ALG13: variants seen among roughly 807,000 people sequenced by gnomAD.
ALG13 encodes the protein ALG13 UDP-N-acetylglucosaminyltransferase subunit, also known as UDP-N-acetylglucosamine transferase subunit ALG13.
Under a neutral mutation model 87.8 loss-of-function variants are expected in ALG13, and 11 were observed. The observed-to-expected ratio is 0.13, with a 90% CI of 0.08 to 0.21. The LOEUF is 0.21. ALG13 is among the 10% of genes least tolerant of loss of function. ALG13 has a pLI of 1.00. For missense variants in ALG13, 756 were observed against 866.1 expected (o/e 0.87, Z 1.60); for synonymous variants, 320 against 306.3 (o/e 1.04, Z -0.47).
intron 23 of ALG13, among the ~76,000 whole-genome samples, chrX:111,738,638 A>C (rs965537897): frequency 9.0e-6 from 1 of 111,446 alleles, no homozygotes; most frequent in Non-Finnish European, 1.9e-5. Flanking sequence ...TCCAGGTTTC[A>C]AGCAGTCCTG....
At chrX:111,745,771 A>G (rs1158844535) in intron 24 of ALG13, among the ~76,000 whole-genome samples, 1 of 110,714 alleles carries the variant, frequency 9.0e-6, no homozygotes, top group Non-Finnish European at 1.9e-5. Context: ...GACCACACAA[A>G]ACATTGACTT....
intron 3 of ALG13, among the ~76,000 whole-genome samples, chrX:111,695,589 T>C (rs376348594): frequency 1.9e-4 from 21 of 110,046 alleles, no homozygotes; most frequent in African/African-American, 6.3e-4. Flanking sequence ...AGCAAAGTAA[T>C]ATTTTCCTTT....
chrX:111,731,444 A>G (rs1273385788), intron 21 of ALG13, among the ~76,000 whole-genome samples: 2 of 111,940 alleles, frequency 1.8e-5, no homozygotes, highest in African/African-American at 3.3e-5. Context: ...AGGGCCCCCA[A>G]CATACTCATG....
intron 8 of ALG13, among the ~76,000 whole-genome samples, chrX:111,716,116 T>C (rs1263613597): frequency 8.9e-6 from 1 of 112,160 alleles, no homozygotes; most frequent in Non-Finnish European, 1.9e-5. Context: ...TCTTTCTGTA[T>C]CATTTTATTT....
At chrX:111,727,907 A>G in intron 18 of ALG13, 137 bp downstream of exon 18, 3 of 773,534 alleles carry the variant, frequency 3.9e-6, no homozygotes, top group South Asian at 3.2e-5. Context: ...AAAATGAGAA[A>G]AGAGACATTT....
At chrX:111,725,165 G>T in intron 15 of ALG13, 104 bp downstream of exon 15, 1 of 977,230 alleles carries the variant, frequency 1.0e-6, no homozygotes, top group Non-Finnish European at 1.4e-6. Flanking sequence ...TCTTGTTGTA[G>T]GGTAGGGTTT....
In ALG13 at chrX:111,725,076, GGTT is replaced by G. The variant is rs1941825190; in HGVS notation, c.1729+19_1729+21del. The G allele has an allele frequency of 8.3e-7, 1 of 1,204,524 alleles. No homozygotes were observed. The highest frequency in any genetic ancestry group is 1.8e-5 in the South Asian group (1 of 55,512). ...CCCGGAAATAGGTTTGTATGCTAAA[GGTT>G]GTTATTTTGTTTTTCCCTTCCTGTA... On this transcript the variant is annotated intron_variant, in intron 15 of 26. Coordinates refer to ENST00000394780, the MANE Select transcript of ALG13 (RefSeq NM_001099922.3).
chrX:111,725,936 T>G (rs1420023219), intron 15 of ALG13, among the ~76,000 whole-genome samples: 2 of 111,441 alleles, frequency 1.8e-5, no homozygotes, highest in African/African-American at 6.5e-5. Flanking sequence ...TCGGAGTTTT[T>G]GGGGTTTTTG....
chrX:111,707,968 C>G, intron 3 of ALG13, 59 bp from the exon 4 acceptor site: 1 of 1,125,214 alleles, frequency 8.9e-7, no homozygotes, highest in Non-Finnish European at 1.2e-6. Flanking sequence ...TCCCATGTCT[C>G]CTGCTTAGTC....
At chrX:111,710,112 C>G (rs1939485273) in intron 5 of ALG13, among the ~76,000 whole-genome samples, 1 of 109,291 alleles carries the variant, frequency 9.1e-6, no homozygotes, top group African/African-American at 3.3e-5. Context: ...TCGCTGCAGC[C>G]TCTGCCTACG....
At chrX:111,718,349 G>T in intron 10 of ALG13, 75 bp downstream of exon 10, 1 of 909,456 alleles carries the variant, frequency 1.1e-6, no homozygotes, top group East Asian at 3.4e-5. Context: ...AGTGGAAGGG[G>T]CCTGGCAAGC....
At chrX:111,753,580 C>G (rs1569523476) in intron 25 of ALG13, among the ~76,000 whole-genome samples, 1 of 111,490 alleles carries the variant, frequency 9.0e-6, no homozygotes, top group Non-Finnish European at 1.9e-5. Context: ...AGAGAAGAAT[C>G]AAATAGACAC....
Position 111,727,020 on chromosome X carries a change from A to G in ALG13, c.1941A>G (p.Pro647=), listed in dbSNP as rs1942135193. ...ATGAACATTTTCATCCTCAGCATCCATCTCCGAGACAAGGTCGGGGATATG... is the reference window on the plus strand; with the variant it reads ...ATGAACATTTTCATCCTCAGCATCCGTCTCCGAGACAAGGTCGGGGATATG... ...MSNEHFHPQH[P]SPRQGRGYGM... The change falls in exon 16 of 27, where the codon CCA becomes CCG. Residue 647 remains proline (P), a synonymous_variant. Coordinates refer to ENST00000394780, the MANE Select transcript of ALG13 (RefSeq NM_001099922.3). 1 of 1,211,309 alleles carries G rather than the reference A, an allele frequency of 8.3e-7. No individual in the cohort carries two copies. The highest frequency in any genetic ancestry group is 3.0e-5 in the East Asian group (1 of 33,847).
At position 111,728,264 on chromosome X, in the gene ALG13, A is replaced by G; in HGVS notation, c.2327A>G (p.Gln776Arg). ...VGRRGHSSGK[Q>R]TLNLEEGNGQ... ...AGGCGGGGACATAGCTCAGGCAAAC[A>G]GACTTTGAATTTAGAGGAGGGCAAT... The change falls in exon 19 of 27, where the codon CAG (glutamine) becomes CGG (arginine). Residue 776 changes from glutamine (Q) to arginine (R), a missense_variant. By Grantham distance (43) the Gln-to-Arg change is conservative. Coordinates refer to ENST00000394780, the MANE Select transcript of ALG13 (RefSeq NM_001099922.3). The G allele has an allele frequency of 8.3e-7, 1 of 1,211,674 alleles. No homozygotes were observed. Among genetic ancestry groups the G allele is most frequent in the Non-Finnish European group, 1.1e-6 (1 of 895,375 alleles).
intron 3 of ALG13, chrX:111,686,076 C>G: frequency 1.3e-6 from 1 of 789,582 alleles, no homozygotes; most frequent in South Asian, 3.8e-5. Flanking sequence ...TATTAGAATT[C>G]AACAGGAACT....
intron 23 of ALG13, among the ~76,000 whole-genome samples, chrX:111,738,248 G>T (rs1365054145): frequency 1.8e-5 from 2 of 112,437 alleles, no homozygotes; most frequent in African/African-American, 6.5e-5. Context: ...AGACTAAACT[G>T]TAATGAGCTT....
At chrX:111,759,065 A>G (rs1323928549) in intron 26 of ALG13, among the ~76,000 whole-genome samples, 3 of 109,839 alleles carry the variant, frequency 2.7e-5, no homozygotes, top group African/African-American at 6.6e-5. Context: ...TACCTTTTAT[A>G]GAGCTATTTT....
At position 111,720,510 on chromosome X, in the gene ALG13, CTTTAT is replaced by C. The variant is rs1334866363; in HGVS notation, c.1326+347_1326+351del. Among the ~76,000 whole-genome samples the C allele has an allele frequency of 7.2e-5, 8 of 111,322 alleles. No individual in the cohort carries two copies. In the Admixed American group the frequency reaches 7.7e-4, roughly 11 times the overall value. On this transcript the variant is annotated intron_variant, in intron 11 of 26. Transcript: ENST00000394780. ...TTTCATTAAGGAATACAATGCCTATCTTTATTTTATTCAAACTAGGTGATAATCAT... is the reference window on the plus strand; with the variant it reads ...TTTCATTAAGGAATACAATGCCTATCTTTATTCAAACTAGGTGATAATCAT...
chrX:111,711,076 G>C (rs935296594), intron 5 of ALG13: 1 of 112,267 alleles, frequency 8.9e-6, no homozygotes, highest in African/African-American at 3.2e-5. Context: ...TGTATCCATG[G>C]AACTAGAAAT....
Sources: allele counts gnomAD v4.1 joint callset (sites outside exome capture counted in the v4.1 genomes callset), GRCh38; gene constraint gnomAD v4.1.1; transcripts MANE v1.5; gene names NCBI Gene and HGNC (gene_info 2026-07-23, HGNC 2026-07-21).